The following FER variants were observed in gnomAD, a reference collection of about 807,000 sequenced individuals.
FER encodes the protein tyrosine-protein kinase Fer.
FER carries 63 observed loss-of-function variants against 111.0 expected under a neutral mutation model. The observed-to-expected ratio is 0.57, with a 90% CI of 0.46 to 0.70. FER has a LOEUF of 0.70. FER is among the 30% of genes least tolerant of loss of function. FER has a pLI of 0.00. For missense variants in FER, 914 were observed against 954.0 expected, an observed-to-expected ratio of 0.96 and a Z score of 0.55; for synonymous variants, 327 against 313.9, an observed-to-expected ratio of 1.04 and a Z score of -0.44.
At chr5:108,988,775 G>T (rs1179080615) in intron 13 of FER, among the ~76,000 whole-genome samples, 1 of 151,934 alleles carries the variant, frequency 6.6e-6, no homozygotes, top group African/African-American at 2.4e-5. Flanking sequence ...TGGTTTTGGT[G>T]TTATTTGTTT....
At chr5:108,782,308 T>A (rs1170646587) in intron 2 of FER, among the ~76,000 whole-genome samples, 3 of 151,718 alleles carry the variant, frequency 2.0e-5, no homozygotes, top group Non-Finnish European at 2.9e-5. Context: ...TTTTAAGAGA[T>A]GAAATTTTGC....
At chr5:108,989,111 C>T (rs779870108) in intron 13 of FER, among the ~76,000 whole-genome samples, 7 of 151,802 alleles carry the variant, frequency 4.6e-5, no homozygotes, top group Non-Finnish European at 8.8e-5. Context: ...AGTTGATTTC[C>T]AATTTTATTT....
At position 109,062,456 on chromosome 5, in the gene FER, G is replaced by A. The variant is rs139379560; in HGVS notation, c.1924+15258G>A. On this transcript the variant is annotated intron_variant, in intron 16 of 19. Coordinates refer to ENST00000281092, the MANE Select transcript of FER (RefSeq NM_005246.4). ...CAGCAGGATCGCTTGAACCTGGGAGGCAGAGGTTACAGTGAACCAGGATCA... is the reference window on the plus strand; with the variant it reads ...CAGCAGGATCGCTTGAACCTGGGAGACAGAGGTTACAGTGAACCAGGATCA... Among the ~76,000 whole-genome samples the A allele has an allele frequency of 9.9e-4, 151 of 152,200 alleles. 6 individuals carry two copies. In the East Asian group the frequency reaches 0.025, roughly 25 times the overall value.
chr5:109,162,006 CAAT>C (rs771713421), intron 17 of FER, among the ~76,000 whole-genome samples: 32 of 152,144 alleles, frequency 2.1e-4, no homozygotes, highest in Non-Finnish European at 3.8e-4. Context: ...ATTTCTCTAT[CAAT>C]GATGAGTTTT....
At chr5:108,861,960 T>A (rs1334090009) in intron 5 of FER, among the ~76,000 whole-genome samples, 1 of 152,170 alleles carries the variant, frequency 6.6e-6, no homozygotes, top group Non-Finnish European at 1.5e-5. Context: ...TCTTTGTTTT[T>A]ACCTGCAAGG....
At chr5:109,039,213 G>T (rs1581753680) in intron 14 of FER, among the ~76,000 whole-genome samples, 4 of 146,244 alleles carry the variant, frequency 2.7e-5, no homozygotes, top group Non-Finnish European at 1.5e-5. Context: ...AACGCTGAGG[G>T]TTTTTTTTTT....
intron 17 of FER, among the ~76,000 whole-genome samples, chr5:109,154,979 T>C (rs1186637016): frequency 3.3e-5 from 5 of 151,744 alleles, no homozygotes; most frequent in Non-Finnish European, 5.9e-5. Flanking sequence ...GCAGGAACTC[T>C]GAGAAACCAG....
chr5:108,752,521 A>G (rs903394725), intron 1 of FER, among the ~76,000 whole-genome samples: 1 of 152,070 alleles, frequency 6.6e-6, no homozygotes, highest in Non-Finnish European at 1.5e-5. Context: ...ATGGAAAAGA[A>G]TAAATAGAGG....
At chr5:109,029,245 C>CTTT (rs367692424) in intron 13 of FER, among the ~76,000 whole-genome samples, 9 of 125,966 alleles carry the variant, frequency 7.1e-5, no homozygotes, top group African/African-American at 1.2e-4. Context: ...TTCTTCTTAC[C>CTTT]TTTTTTTTTT....
chr5:108,900,525 A>G (rs555616454), intron 10 of FER, among the ~76,000 whole-genome samples: 1 of 152,220 alleles, frequency 6.6e-6, no homozygotes, highest in African/African-American at 2.4e-5. Flanking sequence ...CAATTTCAAT[A>G]AGAGACTTAT....
intron 5 of FER, chr5:108,842,130 A>G (rs991221547): frequency 5.8e-6 from 1 of 173,578 alleles, no homozygotes; most frequent in Non-Finnish European, 1.2e-5. Flanking sequence ...GGTTTGCTTC[A>G]AAATTATCTA....
At position 108,867,798 on chromosome 5, in the gene FER, C is replaced by T. The variant is rs774401039; in HGVS notation, c.513C>T (p.Tyr171=). 2.7e-5 allele frequency: 43 copies of T among 1,609,694 alleles called. No homozygotes were observed. The highest frequency in any genetic ancestry group is 9.9e-5 in the South Asian group (9 of 90,768). ...AAACTGAAAAGGCCAAGGAACGATACGACAAAGCCACAATGAAACTTCATA... is the reference window on the plus strand; with the variant it reads ...AAACTGAAAAGGCCAAGGAACGATATGACAAAGCCACAATGAAACTTCATA... ...GKETEKAKER[Y]DKATMKLHML... The change falls in exon 6 of 20, where the codon TAC becomes TAT. Residue 171 remains tyrosine, a synonymous_variant. Coordinates refer to ENST00000281092, the MANE Select transcript of FER (RefSeq NM_005246.4).
intron 13 of FER, among the ~76,000 whole-genome samples, chr5:108,974,075 T>C (rs2149705158): frequency 6.6e-6 from 1 of 152,352 alleles, no homozygotes; most frequent in Admixed American, 6.5e-5. Context: ...TAAGCATTTT[T>C]CTGATTATCT....
intron 15 of FER, among the ~76,000 whole-genome samples, chr5:109,045,105 T>C (rs1464243725): frequency 6.6e-6 from 1 of 151,980 alleles, no homozygotes; most frequent in East Asian, 1.9e-4. Context: ...TAATGTATTA[T>C]ATACATATAC....
At position 109,099,669 on chromosome 5, in the gene FER, C is replaced by T. The variant is rs368129397; in HGVS notation, c.1925-727C>T. On this transcript the variant is annotated intron_variant, in intron 16 of 19. Transcript: ENST00000281092. ...AACTATATTATTAAAATAAATTGCA[C>T]GGTTTAAAAAAACTTTTTAAATATT... Among the ~76,000 whole-genome samples, 16 of 151,224 alleles carry T rather than the reference C, an allele frequency of 1.1e-4. No homozygotes were observed. In the East Asian group the frequency reaches 2.5e-3, roughly 24 times the overall value.
chr5:109,122,843 T>C (rs1311952718), intron 17 of FER, among the ~76,000 whole-genome samples: 1 of 152,178 alleles, frequency 6.6e-6, no homozygotes, highest in Non-Finnish European at 1.5e-5. Context: ...TTTTTTAGTT[T>C]TTGTCTTGAA....
In FER at chr5:108,805,228, A is replaced by G. The variant is rs139646200; in HGVS notation, c.207+6839A>G. On this transcript the variant is annotated intron_variant, in intron 3 of 19. Transcript: ENST00000281092. ...GTTTTAAAAATGGGAACTTTCCTGC[A>G]CAAGCTCTCTTTTGCCTGCCGTCAT... Among the ~76,000 whole-genome samples the G allele has an allele frequency of 2.2e-4, 34 of 152,182 alleles. No homozygotes were observed. In the East Asian group the frequency reaches 6.6e-3, roughly 29 times the overall value.
chr5:109,162,850 T>C lies in FER; in HGVS notation c.2049-17897T>C, dbSNP rs556731946. On this transcript the variant is annotated intron_variant, in intron 17 of 19. Coordinates refer to ENST00000281092, the MANE Select transcript of FER (RefSeq NM_005246.4). Reference sequence around the variant, plus strand: ...TAAGAATCTTAAGGTGCCTATTTTTTTAATCACCTTTATTGCACTATAAAT... The same window carrying C: ...TAAGAATCTTAAGGTGCCTATTTTTCTAATCACCTTTATTGCACTATAAAT... Among the ~76,000 whole-genome samples, 29 of 152,068 alleles carry C rather than the reference T, an allele frequency of 1.9e-4. No homozygotes were observed. In the South Asian group the frequency reaches 5.8e-3, roughly 30 times the overall value.
intron 13 of FER, among the ~76,000 whole-genome samples, chr5:108,986,048 C>G (rs551932879): frequency 6.6e-6 from 1 of 152,216 alleles, no homozygotes; most frequent in East Asian, 1.9e-4. Flanking sequence ...GTTTATATTC[C>G]CACCAGCAGT....
Sources: gnomAD v4.1 joint callset for allele counts (sites outside exome capture counted in the v4.1 genomes callset) on GRCh38, gnomAD v4.1.1 for gene constraint, MANE v1.5 for transcripts, NCBI Gene and HGNC (gene_info 2026-07-23, HGNC 2026-07-21) for gene names.